The following PNPT1 variants were observed in gnomAD, a reference collection of about 807,000 sequenced individuals.
PNPT1 encodes the protein polyribonucleotide nucleotidyltransferase 1, also known as polyribonucleotide nucleotidyltransferase 1, mitochondrial.
A neutral mutation model predicts 119.5 loss-of-function variants in PNPT1; 53 were observed. The ratio of observed to expected loss-of-function variants is 0.44; its 90% CI spans 0.36 to 0.56. The LOEUF is 0.56. Ranked by LOEUF, PNPT1 falls within the 20% of genes least tolerant of loss-of-function variation. The pLI is 0.00. For missense variants in PNPT1, 948 were observed against 938.5 expected (o/e 1.01, Z -0.13); for synonymous variants, 357 against 322.1 (o/e 1.11, Z -1.16).
chr2:55,655,043 G>A lies in PNPT1; in HGVS notation c.1442-90C>T, dbSNP rs1013224185. 75 of 1,202,314 alleles carry A rather than the reference G, an allele frequency of 6.2e-5. No individual in the cohort carries two copies. The African/African-American group carries it at 7.3e-4, about 12-fold the overall frequency. 74.5% of individuals were successfully genotyped at this position (1,202,314 alleles called of 1,614,324 possible). ...TTGGTTATTTCCTTATAAATATTCA[G>A]TTACAATACAAATATTCAATAGTCT... On this transcript the variant is annotated intron_variant, in intron 17 of 27. Coordinates refer to ENST00000447944, the MANE Select transcript of PNPT1 (RefSeq NM_033109.5).
In PNPT1 at chr2:55,636,187, A is replaced by C. The variant is rs1380482138; in HGVS notation, c.*50T>G. ...TACTACTAAAATGTTGCTCTACAGC[A>C]CATCACCCTAGACAAAATAGAATTC... On this transcript the variant is annotated 3_prime_UTR_variant, in exon 28 of 28. Transcript: ENST00000447944. The C allele has an allele frequency of 3.5e-6, 5 of 1,447,256 alleles. No individual in the cohort carries two copies. The highest frequency in any genetic ancestry group is 4.8e-6 in the Non-Finnish European group (5 of 1,050,096). The allele number at this position is 1,447,256 out of a possible 1,614,324, so 89.7% of individuals were successfully genotyped here.
At chr2:55,651,742 C>T (rs1446863528) in intron 18 of PNPT1, among the ~76,000 whole-genome samples, 1 of 148,732 alleles carries the variant, frequency 6.7e-6, no homozygotes, top group South Asian at 2.1e-4. Context: ...CCAAATCCCC[C>T]TCTGTGAGAA....
intron 18 of PNPT1, among the ~76,000 whole-genome samples, chr2:55,651,828 T>C (rs142893719): frequency 0.012 from 1,737 of 146,458 alleles, 40 homozygotes; most frequent in African/African-American, 0.042. Context: ...AAAGCTATCC[T>C]TCCTCTGACT....
chr2:55,679,737 T>A lies in PNPT1; in HGVS notation c.624A>T (p.Glu208Asp), dbSNP rs1394636081. ...CTAAATTTAAAGTACTAGAAGACAT[T>A]TCTTTTCTTGTTGGGTTAACAACAT... ...GEYVVNPTRK[E>D]MSSSTLNLVV... The change falls in exon 8 of 28, where the codon GAA (glutamate) becomes GAT (aspartate). Residue 208 changes from glutamate (E) to aspartate (D), a missense_variant. Physicochemically the swap from Glu to Asp is conservative, Grantham distance 45. Coordinates refer to ENST00000447944, the MANE Select transcript of PNPT1 (RefSeq NM_033109.5). 6 of 1,612,684 alleles carry A rather than the reference T, an allele frequency of 3.7e-6. No individual in the cohort carries two copies. The highest frequency in any genetic ancestry group is 5.1e-6 in the Non-Finnish European group (6 of 1,179,356).
intron 1 of PNPT1, among the ~76,000 whole-genome samples, chr2:55,691,878 ATTT>A (rs1227966046): frequency 0.027 from 847 of 31,486 alleles, 4 homozygotes; most frequent in African/African-American, 0.086. Flanking sequence ...ATATATATAT[ATTT>A]TTTTTTTTTT....
At position 55,643,333 on chromosome 2, in the gene PNPT1, T is replaced by G. The variant is rs1695894704; in HGVS notation, c.1999A>C (p.Ile667Leu). The change falls in exon 24 of 28, where the codon ATC (isoleucine) becomes CTC (leucine). Residue 667 changes from isoleucine to leucine, a missense_variant. Transcript: ENST00000447944. ...MHEARDFITE[I>L]CKDDQEQQLE... ...TCTATACTTACATCATCCTTGCAGA[T>G]TTCAGTAATGAAGTCTCTTGCCTCA... is the stretch of plus-strand genomic sequence containing the variant. 6.2e-7 allele frequency: 1 copy of G among 1,613,854 alleles called. No homozygotes were observed.
chr2:55,643,355 C>G lies in PNPT1; in HGVS notation c.1977G>C (p.Glu659Asp). 6.2e-7 allele frequency: 1 copy of G among 1,614,184 alleles called. No homozygotes were observed. The highest frequency in any genetic ancestry group is 8.5e-7 in the Non-Finnish European group (1 of 1,180,036). The change falls in exon 24 of 28, where the codon GAG (glutamate) becomes GAC (aspartate). Residue 659 changes from glutamate (E) to aspartate (D), a missense_variant. Glu to Asp is a conservative substitution (Grantham distance 45). Coordinates refer to ENST00000447944, the MANE Select transcript of PNPT1 (RefSeq NM_033109.5). ...AGATTTCAGTAATGAAGTCTCTTGC[C>G]TCATGCATAGCACTGGGTGTTGGTG... ...VFAPTPSAMH[E>D]ARDFITEICK...
intron 8 of PNPT1, among the ~76,000 whole-genome samples, chr2:55,679,268 T>G (rs948137822): frequency 6.6e-6 from 1 of 152,180 alleles, no homozygotes; most frequent in Admixed American, 6.5e-5. Flanking sequence ...AGACTTAGAA[T>G]GAAATAGCTA....
chr2:55,637,652 C>T, intron 26 of PNPT1, 53 bp from the exon 27 acceptor site: 4 of 1,374,274 alleles, frequency 2.9e-6, no homozygotes. Context: ...ATGTAGTGTC[C>T]ATGGAAGTAC....
At chr2:55,652,875 A>G (rs1369112952) in intron 18 of PNPT1, among the ~76,000 whole-genome samples, 2 of 152,094 alleles carry the variant, frequency 1.3e-5, no homozygotes, top group Non-Finnish European at 1.5e-5. Context: ...CTTGAGACAG[A>G]GTCACTCTGT....
At chr2:55,646,119 C>T (rs1695994843) in intron 21 of PNPT1, 140 bp downstream of exon 21, 1 of 829,892 alleles carries the variant, frequency 1.2e-6, no homozygotes, top group Non-Finnish European at 1.9e-6. Flanking sequence ...TGAGCCACCA[C>T]ACCTGGCCAG....
chr2:55,693,073 C>G (rs1056893566), intron 1 of PNPT1, among the ~76,000 whole-genome samples: 11 of 152,164 alleles, frequency 7.2e-5, no homozygotes, highest in African/African-American at 2.7e-4. Flanking sequence ...CCCTGTCCAT[C>G]TCTTACCATC....
At chr2:55,656,244 A>C (rs781428520) in intron 16 of PNPT1, 24 bp from the exon 17 acceptor site, 5 of 1,612,238 alleles carry the variant, frequency 3.1e-6, no homozygotes, top group African/African-American at 2.7e-5. Context: ...GAAAACAATA[A>C]GTAAAAAATG....
chr2:55,660,223 A>T lies in PNPT1; in HGVS notation c.1248-30T>A, dbSNP rs1456055919. ...AAATAAAAGGCATAATATTAAAAAC[A>T]TCATAGGGAAAAAACATATTTATTT... is the stretch of plus-strand genomic sequence containing the variant. On this transcript the variant is annotated intron_variant, in intron 14 of 27. Coordinates refer to ENST00000447944, the MANE Select transcript of PNPT1 (RefSeq NM_033109.5). 34 of 1,548,888 alleles carry T rather than the reference A, an allele frequency of 2.2e-5. No individual in the cohort carries two copies. In the Middle Eastern group the frequency reaches 5.2e-4, roughly 24 times the overall value.
At chr2:55,637,632 G>A in intron 26 of PNPT1, 33 bp from the exon 27 acceptor site, 1 of 1,524,896 alleles carries the variant, frequency 6.6e-7, no homozygotes, top group Non-Finnish European at 9.1e-7. Context: ...ATTAGTTGTT[G>A]TGCATAATTA....
chr2:55,672,258 G>A (rs1329874945), intron 9 of PNPT1, among the ~76,000 whole-genome samples: 4 of 151,978 alleles, frequency 2.6e-5, no homozygotes, highest in Non-Finnish European at 4.4e-5. Context: ...ACCCTCCCAG[G>A]GGAAACCACA....
rs780255777 is a variant in PNPT1, at chr2:55,644,765, C to T, written c.1823-45G>A. 24 of 1,407,332 alleles carry T rather than the reference C, an allele frequency of 1.7e-5. 1 individual carries two copies. In the East Asian group the frequency reaches 5.3e-4, roughly 31 times the overall value. The allele number at this position is 1,407,332 out of a possible 1,614,324, so 87.2% of individuals were successfully genotyped here. A position where few individuals can be genotyped will look rare whatever the true frequency, so the allele number is the denominator to read the frequency against. On this transcript the variant is annotated intron_variant, in intron 22 of 27. Transcript: ENST00000447944. Reference sequence around the variant, plus strand: ...AATATATAAACAATTCAACTACATACATGAACCTAAAACATGCCATGGTCA... The same window carrying T: ...AATATATAAACAATTCAACTACATATATGAACCTAAAACATGCCATGGTCA...
chr2:55,636,779 C>T (rs1427222597), intron 27 of PNPT1, among the ~76,000 whole-genome samples: 1 of 151,978 alleles, frequency 6.6e-6, no homozygotes, highest in Non-Finnish European at 1.5e-5. Context: ...CACTACTGCT[C>T]AAAGGACCAA....
chr2:55,656,399 A>T, intron 15 of PNPT1, 28 bp from the exon 16 acceptor site: 1 of 1,543,640 alleles, frequency 6.5e-7, no homozygotes, highest in Non-Finnish European at 8.8e-7. Flanking sequence ...ACAAACACAC[A>T]TATACAATTG....
Sources: allele counts gnomAD v4.1 joint callset (sites outside exome capture counted in the v4.1 genomes callset), GRCh38; gene constraint gnomAD v4.1.1; transcripts MANE v1.5; gene names NCBI Gene and HGNC (gene_info 2026-07-23, HGNC 2026-07-21).